GABPB1: variants seen among roughly 807,000 people sequenced by gnomAD.
GABPB1 encodes GA-binding protein subunit beta-1.
GABPB1 carries 15 observed loss-of-function variants against 45.9 expected under a neutral mutation model. The observed-to-expected ratio is 0.33, with a 90% CI of 0.22 to 0.50. The LOEUF is 0.50. Among genes scored for constraint, GABPB1 ranks in the 20% least tolerant of loss-of-function variants. The pLI, the probability that GABPB1 is intolerant of heterozygous loss-of-function variation, is 0.98. For synonymous variants in GABPB1, 143 were observed against 154.4 expected (o/e 0.93, Z 0.55); for missense variants, 252 against 457.5 (o/e 0.55, Z 4.10).
chr15:50,333,832 C>T (rs2048025590), intron 1 of GABPB1, among the ~76,000 whole-genome samples: 1 of 152,110 alleles, frequency 6.6e-6, no homozygotes, highest in Non-Finnish European at 1.5e-5. Flanking sequence ...AGTTCGAGAC[C>T]AGCCTGGCCA....
At position 50,282,560 on chromosome 15, in the gene GABPB1, G is replaced by GAAAAAAAAAAAAAAAAAAAAAAAAA. The variant is rs552203074; in HGVS notation, c.999+3507_999+3508insTTTTTTTTTTTTTTTTTTTTTTTTT. 4.2e-4 allele frequency among the ~76,000 whole-genome samples: 37 copies of GAAAAAAAAAAAAAAAAAAAAAAAAA among 88,978 alleles called. 2 individuals are homozygous for GAAAAAAAAAAAAAAAAAAAAAAAAA. The highest frequency in any genetic ancestry group is 8.5e-4 in the Admixed American group (6 of 7,024). 58.4% of individuals were successfully genotyped at this position (88,978 alleles called of 152,430 possible). A position where few individuals can be genotyped will look rare whatever the true frequency, so the allele number is the denominator to read the frequency against. On this transcript the variant is annotated intron_variant, in intron 8 of 8. Transcript: ENST00000380877. ...CAAAGTGAGACCCTGCCTTAAAAAA[G>GAAAAAAAAAAAAAAAAAAAAAAAAA]AAAAAAAAAAAAAAACAGAGACGGA...
rs2045870737 is a variant in GABPB1 at position 50,277,954 on chromosome 15, G to C, written c.*678C>G. On this transcript the variant is annotated 3_prime_UTR_variant, in exon 9 of 9. Coordinates refer to ENST00000380877, the MANE Select transcript of GABPB1 (RefSeq NM_016654.5). ...AGGGGTTTTGTTTTTGTTTTTTTCTGGTCACTTTCATCATTTCTGTGGGAG... is the reference window on the plus strand; with the variant it reads ...AGGGGTTTTGTTTTTGTTTTTTTCTCGTCACTTTCATCATTTCTGTGGGAG... 1 of 151,968 alleles carries C rather than the reference G, an allele frequency of 6.6e-6. No homozygotes were observed. The highest frequency in any genetic ancestry group is 6.6e-5 in the Admixed American group (1 of 15,228). 9.4% of individuals were successfully genotyped at this position (151,968 alleles called of 1,614,324 possible).
chr15:50,304,248 A>C, intron 2 of GABPB1, 115 bp from the exon 3 acceptor site: 1 of 715,550 alleles, frequency 1.4e-6, no homozygotes, highest in Non-Finnish European at 2.0e-6. Context: ...TCAAAACTCA[A>C]AAGAAATGCC....
At chr15:50,318,093 G>A (rs1159827514) in intron 1 of GABPB1, among the ~76,000 whole-genome samples, 1 of 152,046 alleles carries the variant, frequency 6.6e-6, no homozygotes, top group Non-Finnish European at 1.5e-5. Flanking sequence ...CTAGCATCTT[G>A]CTCTTTATCT....
At position 50,286,842 on chromosome 15, in the gene GABPB1, T is replaced by C. The variant is rs79729503; in HGVS notation, c.884-659A>G. On this transcript the variant is annotated intron_variant, in intron 7 of 8. Coordinates refer to ENST00000380877, the MANE Select transcript of GABPB1 (RefSeq NM_016654.5). ...AATTATATAGAGAGGCTGTCCTTGC[T>C]TTGCACAGCACTACAGGAACATAAA... Among the ~76,000 whole-genome samples, 829 of 152,304 alleles carry C rather than the reference T, an allele frequency of 5.4e-3. 6 individuals are homozygous for C. The highest frequency in any genetic ancestry group is 0.019 in the African/African-American group (794 of 41,562).
intron 8 of GABPB1, among the ~76,000 whole-genome samples, chr15:50,283,415 T>C (rs2046053224): frequency 6.6e-6 from 1 of 152,132 alleles, no homozygotes; most frequent in Admixed American, 6.5e-5. Flanking sequence ...CCACAAAATT[T>C]ACAATACACT....
chr15:50,301,924 C>A (rs1012215599), intron 4 of GABPB1, among the ~76,000 whole-genome samples: 3 of 152,178 alleles, frequency 2.0e-5, no homozygotes, highest in African/African-American at 7.2e-5. Flanking sequence ...CCCCAAACTG[C>A]ACTCTTAGGA....
At chr15:50,289,419 C>A in intron 7 of GABPB1, 64 bp downstream of exon 7, 2 of 1,072,370 alleles carry the variant, frequency 1.9e-6, no homozygotes, top group Non-Finnish European at 2.6e-6. Context: ...GCAGGGAAGA[C>A]TTAAAGAAAA....
intron 1 of GABPB1, among the ~76,000 whole-genome samples, chr15:50,345,623 G>T (rs1463890734): frequency 3.3e-5 from 5 of 152,154 alleles, no homozygotes; most frequent in Non-Finnish European, 4.4e-5. Context: ...TTGAAATGAA[G>T]AGAAATGCAG....
chr15:50,323,307 C>T (rs2141100191), intron 1 of GABPB1, among the ~76,000 whole-genome samples: 1 of 152,274 alleles, frequency 6.6e-6, no homozygotes, highest in Middle Eastern at 3.4e-3. Context: ...TGCAGTAGTT[C>T]CTGCTAGCCC....
intron 4 of GABPB1, among the ~76,000 whole-genome samples, chr15:50,302,643 CAA>C (rs60408137): frequency 8.0e-5 from 5 of 62,170 alleles, no homozygotes; most frequent in East Asian, 1.7e-3. Flanking sequence ...GACTCTGGCT[CAA>C]AAAAAAAAAA....
At chr15:50,300,428 TGTTTTTGG>T (rs2046686717) in intron 6 of GABPB1, among the ~76,000 whole-genome samples, 1 of 93,156 alleles carries the variant, frequency 1.1e-5, no homozygotes, top group African/African-American at 4.2e-5. Context: ...AATCTGCAAC[TGTTTTTGG>T]TTTTTTTTTT....
intron 1 of GABPB1, among the ~76,000 whole-genome samples, chr15:50,311,422 A>T (rs2141055241): frequency 6.6e-6 from 1 of 152,332 alleles, no homozygotes; most frequent in Non-Finnish European, 1.5e-5. Flanking sequence ...GTCAAGAGAA[A>T]ATAAATTATA....
chr15:50,324,877 G>A (rs1014493498), intron 1 of GABPB1, among the ~76,000 whole-genome samples: 1 of 151,972 alleles, frequency 6.6e-6, no homozygotes, highest in Non-Finnish European at 1.5e-5. Context: ...CACAAGTTAA[G>A]GTTATAGTAC....
At chr15:50,311,720 G>A (rs138600395) in intron 1 of GABPB1, among the ~76,000 whole-genome samples, 245 of 152,252 alleles carry the variant, frequency 1.6e-3, no homozygotes, top group African/African-American at 5.2e-3. Flanking sequence ...AGAAAGGAGC[G>A]TATGTGTGAG....
intron 1 of GABPB1, among the ~76,000 whole-genome samples, chr15:50,315,296 TG>T (rs1332945648): frequency 6.6e-6 from 1 of 152,128 alleles, no homozygotes; most frequent in Non-Finnish European, 1.5e-5. Context: ...TAAACCCGGC[TG>T]ATTTTTGTAT....
chr15:50,303,554 C>T (rs369181263), intron 3 of GABPB1, among the ~76,000 whole-genome samples: 4 of 151,822 alleles, frequency 2.6e-5, no homozygotes, highest in Admixed American at 2.6e-4. Context: ...TGGTGGTGGG[C>T]GCCTGTAGTC....
intron 1 of GABPB1, among the ~76,000 whole-genome samples, chr15:50,337,822 C>T (rs2048202055): frequency 6.6e-6 from 1 of 151,982 alleles, no homozygotes; most frequent in African/African-American, 2.4e-5. Flanking sequence ...TGTTCCATAC[C>T]CAAATCCTTA....
chr15:50,319,208 T>C (rs2047463382), intron 1 of GABPB1, among the ~76,000 whole-genome samples: 1 of 152,308 alleles, frequency 6.6e-6, no homozygotes, highest in African/African-American at 2.4e-5. Context: ...CAACTGAGTG[T>C]AGGATTTTCA....
Sources: gnomAD v4.1 joint callset for allele counts (sites outside exome capture counted in the v4.1 genomes callset) on GRCh38, gnomAD v4.1.1 for gene constraint, MANE v1.5 for transcripts, NCBI Gene and HGNC (gene_info 2026-07-23, HGNC 2026-07-21) for gene names.